The following CNTN5 variants were observed in gnomAD, a reference collection of about 807,000 sequenced individuals.
CNTN5 encodes the protein contactin 5, also known as contactin-5.
CNTN5 carries 77 observed loss-of-function variants against 129.1 expected under a neutral mutation model. The ratio of observed to expected loss-of-function variants is 0.60; its 90% confidence interval spans 0.50 to 0.72. The LOEUF (loss-of-function observed/expected upper bound fraction) is 0.72, where lower values mean the gene tolerates loss of function less well. Ranked by LOEUF, CNTN5 falls within the 30% of genes least tolerant of loss-of-function variation. The probability of loss-of-function intolerance (pLI) is 0.00; values close to 1 mark genes in which losing one functional copy is unlikely to be tolerated. For synonymous variants in CNTN5, 509 were observed against 465.6 expected, an observed-to-expected ratio of 1.09 and a Z score of -1.20; for missense variants, 1,478 against 1,328.8, an observed-to-expected ratio of 1.11 and a Z score of -1.75.
chr11:99,904,261 T>C (rs994526853), intron 6 of CNTN5, among the ~76,000 whole-genome samples: 5 of 152,130 alleles, frequency 3.3e-5, no homozygotes, highest in Non-Finnish European at 7.3e-5. Flanking sequence ...GTATTTCTCC[T>C]AATGCTATCG....
intron 1 of CNTN5, among the ~76,000 whole-genome samples, chr11:99,317,840 T>A (rs1865406892): frequency 6.6e-6 from 1 of 152,110 alleles, no homozygotes; most frequent in Non-Finnish European, 1.5e-5. Context: ...AAAAGAAAAC[T>A]TCTATAAATA....
chr11:100,280,273 G>T (rs999427498), intron 18 of CNTN5, among the ~76,000 whole-genome samples: 3 of 151,836 alleles, frequency 2.0e-5, no homozygotes, highest in African/African-American at 7.2e-5. Context: ...TGAAAGTGAG[G>T]TGTTAAAGTC....
intron 9 of CNTN5, among the ~76,000 whole-genome samples, chr11:100,016,304 T>C (rs1281621445): frequency 1.3e-5 from 2 of 152,114 alleles, no homozygotes; most frequent in Non-Finnish European, 2.9e-5. Context: ...ATCATACAAG[T>C]AACATAAGTT....
intron 1 of CNTN5, among the ~76,000 whole-genome samples, chr11:99,180,074 G>A (rs982639430): frequency 2.6e-5 from 4 of 152,158 alleles, no homozygotes; most frequent in South Asian, 2.1e-4. Flanking sequence ...TGGGAAACAC[G>A]GGAGGGAGAA....
chr11:99,904,905 T>A (rs934629281), intron 6 of CNTN5, among the ~76,000 whole-genome samples: 2 of 152,230 alleles, frequency 1.3e-5, no homozygotes, highest in Non-Finnish European at 1.5e-5. Flanking sequence ...ATGATGAGAT[T>A]TTCTTCATAT....
intron 1 of CNTN5, among the ~76,000 whole-genome samples, chr11:99,284,591 G>T (rs992172351): frequency 2.8e-5 from 4 of 144,346 alleles, no homozygotes; most frequent in Non-Finnish European, 6.0e-5. Flanking sequence ...GTTTACCCCA[G>T]AGATGAGTGG....
At chr11:99,827,523 A>G (rs772579616) in intron 4 of CNTN5, among the ~76,000 whole-genome samples, 56 of 152,316 alleles carry the variant, frequency 3.7e-4, no homozygotes, top group South Asian at 1.0e-3. Flanking sequence ...TAAAAGGTAA[A>G]ATTTAAAACA....
chr11:100,334,717 G>A (rs557270886), intron 21 of CNTN5, among the ~76,000 whole-genome samples: 89 of 152,182 alleles, frequency 5.8e-4, no homozygotes, highest in African/African-American at 1.9e-3. Context: ...ACTCATATAC[G>A]AACTAAGCTA....
chr11:99,143,713 A>C (rs2135468596), intron 1 of CNTN5, among the ~76,000 whole-genome samples: 1 of 152,276 alleles, frequency 6.6e-6, no homozygotes, highest in African/African-American at 2.4e-5. Flanking sequence ...TTAGTAAAAC[A>C]CCTCTAAAAA....
chr11:99,424,330 G>T (rs183457464), intron 2 of CNTN5, among the ~76,000 whole-genome samples: 1 of 152,198 alleles, frequency 6.6e-6, no homozygotes, highest in Non-Finnish European at 1.5e-5. Flanking sequence ...ACAAAGTGTC[G>T]TGGGATCTGG....
chr11:100,253,873 C>A (rs1950018353), intron 16 of CNTN5, among the ~76,000 whole-genome samples: 1 of 152,106 alleles, frequency 6.6e-6, no homozygotes, highest in Non-Finnish European at 1.5e-5. Flanking sequence ...AACCACCCTA[C>A]CTCTAAAATC....
rs746426286 is a variant in CNTN5 at position 99,819,542 on chromosome 11, A to G, written c.56-2A>G. On this transcript the variant is annotated splice_acceptor_variant, in intron 3 of 24. Transcript: ENST00000524871. LOFTEE classifies it high-confidence loss of function. ...GATTTTATTATATTTTTTCTCTTAC[A>G]GAGTATTCAAAATCTCTTCCTGGTC... The G allele has an allele frequency of 5.6e-6, 9 of 1,601,168 alleles. No homozygotes were observed. The African/African-American group carries it at 1.1e-4, about 19-fold the overall frequency.
chr11:99,100,835 C>A (rs1866696360), intron 1 of CNTN5, among the ~76,000 whole-genome samples: 1 of 151,906 alleles, frequency 6.6e-6, no homozygotes, highest in Admixed American at 6.6e-5. Context: ...AAATAAAATG[C>A]ACTTGGAGAT....
chr11:99,891,520 CCT>C (rs1344386034), intron 6 of CNTN5, among the ~76,000 whole-genome samples: 3 of 151,970 alleles, frequency 2.0e-5, no homozygotes, highest in African/African-American at 7.3e-5. Flanking sequence ...GTAATGTTCC[CCT>C]CTCTGTGTCC....
At chr11:99,467,018 A>T (rs897421911) in intron 2 of CNTN5, among the ~76,000 whole-genome samples, 3 of 152,182 alleles carry the variant, frequency 2.0e-5, no homozygotes, top group African/African-American at 4.8e-5. Flanking sequence ...TCTCTGCCAC[A>T]TCATGGATAT....
intron 1 of CNTN5, among the ~76,000 whole-genome samples, chr11:99,199,482 C>G (rs374751239): frequency 6.6e-6 from 1 of 152,064 alleles, no homozygotes; most frequent in East Asian, 1.9e-4. Flanking sequence ...AACAACAACC[C>G]GACATTCTCA....
rs540485288 is a variant in CNTN5 at position 100,294,265 on chromosome 11, C to A, written c.2315-3360C>A. Among the ~76,000 whole-genome samples, 7 of 151,900 alleles carry A rather than the reference C, an allele frequency of 4.6e-5. No individual in the cohort carries two copies. In the South Asian group the frequency reaches 1.0e-3, roughly 23 times the overall value. Reference sequence around the variant, plus strand: ...ATTAAAGCATATTATTAGTGTGACTCACTTTGTTCAACCTACTGAGAAGTC... The same window carrying A: ...ATTAAAGCATATTATTAGTGTGACTAACTTTGTTCAACCTACTGAGAAGTC... On this transcript the variant is annotated intron_variant, in intron 18 of 24. Transcript: ENST00000524871.
chr11:99,105,797 A>C (rs1250522232), intron 1 of CNTN5, among the ~76,000 whole-genome samples: 3 of 152,176 alleles, frequency 2.0e-5, no homozygotes, highest in South Asian at 2.1e-4. Context: ...AGAATTAATA[A>C]GGAAACCCTA....
chr11:99,237,149 C>G (rs1024623743), intron 1 of CNTN5, among the ~76,000 whole-genome samples: 7 of 151,968 alleles, frequency 4.6e-5, no homozygotes, highest in Admixed American at 6.6e-5. Flanking sequence ...GGCAATATTA[C>G]TACACGCAAA....
Sources: gnomAD v4.1 joint callset for allele counts (sites outside exome capture counted in the v4.1 genomes callset) on GRCh38, gnomAD v4.1.1 for gene constraint, MANE v1.5 for transcripts, NCBI Gene and HGNC (gene_info 2026-07-23, HGNC 2026-07-21) for gene names.